Variants in MAGEB1 observed in about 807,000 individuals in gnomAD.
The protein encoded by MAGEB1 is melanoma-associated antigen B1.
For synonymous variants in MAGEB1, 99 were observed against 105.7 expected, an observed-to-expected ratio of 0.94 and a Z score of 0.39; for missense variants, 290 against 286.7, an observed-to-expected ratio of 1.01 and a Z score of -0.08.
chrX:30,250,815 G>A lies in MAGEB1; in HGVS notation c.322G>A (p.Val108Ile), dbSNP rs1925488208. 1 of 1,211,745 alleles carries A rather than the reference G, an allele frequency of 8.3e-7. No individual in the cohort carries two copies. The highest frequency in any genetic ancestry group is 1.1e-6 in the Non-Finnish European group (1 of 895,321). The change falls in exon 2 of 2, where the codon GTA (valine) becomes ATA (isoleucine). Residue 108 changes from valine (V) to isoleucine (I), a missense_variant. Physicochemically the swap from Val to Ile is conservative, Grantham distance 29. Transcript: ENST00000397548. ...CACTGAGAGCTCAGTCAAAGATCCTGTAGCCTGGGAGGCAGGAATGCTGAT... is the reference window on the plus strand; with the variant it reads ...CACTGAGAGCTCAGTCAAAGATCCTATAGCCTGGGAGGCAGGAATGCTGAT... Reference protein sequence around the residue: ...TSTESSVKDPVAWEAGMLMHF... With the variant: ...TSTESSVKDPIAWEAGMLMHF...
chrX:30,250,421 C>G lies in MAGEB1; in HGVS notation c.-60-13C>G. 9 of 902,486 alleles carry G rather than the reference C, an allele frequency of 1.0e-5. No homozygotes were observed. Among genetic ancestry groups the G allele is most frequent in the Non-Finnish European group, 1.2e-5 (8 of 656,517 alleles). The allele number at this position is 902,486 out of a possible 1,213,427, so 74.4% of individuals were successfully genotyped here. ...CTGCAAGTACTCACAGGATCTCATT[C>G]TCTCTCCTTCAGGTGCCACATCTCC... On this transcript the variant is annotated splice_polypyrimidine_tract_variant and intron_variant, in intron 1 of 1. Transcript: ENST00000397548.
At chrX:30,245,325 T>C (rs939042038), upstream of MAGEB1, among the ~76,000 whole-genome samples, 1 of 112,381 alleles carries the variant, frequency 8.9e-6, no homozygotes, top group Non-Finnish European at 1.9e-5. Flanking sequence ...GTAGTTGAAA[T>C]AATCTTAGTA....
At chrX:30,248,713 A>G (rs1423586826) in intron 1 of MAGEB1, among the ~76,000 whole-genome samples, 1 of 111,479 alleles carries the variant, frequency 9.0e-6, no homozygotes, top group Non-Finnish European at 1.9e-5. Flanking sequence ...GAAGTGGGGA[A>G]CTTCATCAAA....
chrX:30,250,647 T>C lies in MAGEB1; in HGVS notation c.154T>C (p.Ser52Pro). The C allele has an allele frequency of 8.3e-7, 1 of 1,210,361 alleles. No homozygotes were observed. The highest frequency in any genetic ancestry group is 1.1e-6 in the Non-Finnish European group (1 of 894,903). The change falls in exon 2 of 2, where the codon TCC becomes CCC. Residue 52 changes from serine to proline, a missense_variant. Coordinates refer to ENST00000397548, the MANE Select transcript of MAGEB1 (RefSeq NM_177404.3). ...SPVLGDTPTS[S>P]PAAGIPQKPQ... ...TGTTTTAGGGGATACTCCCACAAGC[T>C]CCCCTGCTGCTGGCATTCCCCAGAA...
At position 30,251,582 on chromosome X, in the gene MAGEB1, A is replaced by T. The variant is rs1179204231; in HGVS notation, c.*45A>T. ...ACTTTGTTTTTGTGGCAAGATGCCA[A>T]CCTTTTGAAGTAGTGAGCAGCCAAG... On this transcript the variant is annotated 3_prime_UTR_variant, in exon 2 of 2. Transcript: ENST00000397548. 9.0e-7 allele frequency: 1 copy of T among 1,110,896 alleles called. No homozygotes were observed. Among genetic ancestry groups the T allele is most frequent in the Admixed American group, 2.4e-5 (1 of 41,162 alleles). The allele number at this position is 1,110,896 out of a possible 1,213,427, so 91.6% of individuals were successfully genotyped here.
chrX:30,248,910 CAG>C (rs1425696852), intron 1 of MAGEB1, among the ~76,000 whole-genome samples: 2 of 111,457 alleles, frequency 1.8e-5, no homozygotes, highest in African/African-American at 6.5e-5. Context: ...ACTTCTTCCT[CAG>C]GGAGTTGTCG....
chrX:30,250,914 A>G lies in MAGEB1; in HGVS notation c.421A>G (p.Lys141Glu). The G allele has an allele frequency of 8.3e-7, 1 of 1,211,728 alleles. No individual in the cohort carries two copies. Among genetic ancestry groups the G allele is most frequent in the Non-Finnish European group, 1.1e-6 (1 of 895,336 alleles). ...AGATATGCTGAAGGTTGTTGATGAA[A>G]AGTACAAGGATCACTTCACTGAGAT... ...KADMLKVVDE[K>E]YKDHFTEILN... The change falls in exon 2 of 2, where the codon AAG (lysine) becomes GAG (glutamate). Residue 141 changes from lysine (K) to glutamate (E), a missense_variant. By Grantham distance (56) the Lys-to-Glu change is moderately conservative. Coordinates refer to ENST00000397548, the MANE Select transcript of MAGEB1 (RefSeq NM_177404.3).
Position 30,251,473 on chromosome X carries a change from C to T in MAGEB1, c.980C>T (p.Thr327Ile). The T allele has an allele frequency of 1.7e-6, 2 of 1,211,902 alleles. No individual in the cohort carries two copies. The highest frequency in any genetic ancestry group is 2.2e-6 in the Non-Finnish European group (2 of 895,491). The change falls in exon 2 of 2, where the codon ACT (threonine) becomes ATT (isoleucine). Residue 327 changes from threonine to isoleucine, a missense_variant. Coordinates refer to ENST00000397548, the MANE Select transcript of MAGEB1 (RefSeq NM_177404.3). ...TCCAGTGTTAGAGCCAGGCGTCGCACTACTGCCACGACTTTTAGAGCGCGT... is the reference window on the plus strand; with the variant it reads ...TCCAGTGTTAGAGCCAGGCGTCGCATTACTGCCACGACTTTTAGAGCGCGT... ...VRSSVRARRR[T>I]TATTFRARSR...
chrX:30,251,327 T>G lies in MAGEB1; in HGVS notation c.834T>G (p.Ala278=), dbSNP rs762877676. 17 of 1,212,051 alleles carry G rather than the reference T, an allele frequency of 1.4e-5. No homozygotes were observed. The South Asian group carries it at 3.0e-4, about 21-fold the overall frequency. Residue 278 remains alanine (A), a synonymous_variant, in exon 2 of 2, where the codon GCT becomes GCG. Coordinates refer to ENST00000397548, the MANE Select transcript of MAGEB1 (RefSeq NM_177404.3). The stretch of plus-strand genomic sequence containing the variant: ...TCCTATGGGGTCCGAGAGCCTATGC[T>G]GAAACCACCAAGATGAAAGTCCTCG... ...YQFLWGPRAY[A]ETTKMKVLEF... is the part of the protein sequence containing the mutation.
rs1384175101 is a variant in MAGEB1 at position 30,251,690 on chromosome X, G to T, written c.*153G>T. ...TCTTTCAAGTGTTTTTCTTTTAATA[G>T]AATGTTTATTTAGAGTTGGGATCTA... On this transcript the variant is annotated 3_prime_UTR_variant, in exon 2 of 2. Coordinates refer to ENST00000397548, the MANE Select transcript of MAGEB1 (RefSeq NM_177404.3). The T allele has an allele frequency of 2.1e-6, 1 of 485,769 alleles. No individual in the cohort carries two copies. The highest frequency in any genetic ancestry group is 3.4e-6 in the Non-Finnish European group (1 of 294,521). 40.0% of individuals were successfully genotyped at this position (485,769 alleles called of 1,213,427 possible). A position where few individuals can be genotyped will look rare whatever the true frequency, so the allele number is the denominator to read the frequency against.
chrX:30,246,879 C>T (rs759909818), upstream of MAGEB1, among the ~76,000 whole-genome samples: 56 of 112,291 alleles, frequency 5.0e-4, no homozygotes, highest in Non-Finnish European at 9.2e-4. Context: ...TTTCACAGAG[C>T]CCTGCCGCTG....
At chrX:30,247,727 G>A (rs1195392988) in intron 1 of MAGEB1, among the ~76,000 whole-genome samples, 1 of 111,206 alleles carries the variant, frequency 9.0e-6, no homozygotes, top group Non-Finnish European at 1.9e-5. Flanking sequence ...GGCGGATCAC[G>A]AGGTCAGGAT....
At chrX:30,247,866 C>G (rs1209796891) in intron 1 of MAGEB1, among the ~76,000 whole-genome samples, 1 of 103,925 alleles carries the variant, frequency 9.6e-6, no homozygotes, top group Non-Finnish European at 1.9e-5. Context: ...ATGGCGTGAA[C>G]CCGGGAAGCG....
At chrX:30,248,379 C>T (rs1301579847) in intron 1 of MAGEB1, among the ~76,000 whole-genome samples, 1 of 112,122 alleles carries the variant, frequency 8.9e-6, no homozygotes, top group East Asian at 2.8e-4. Context: ...AATGAGGTAA[C>T]CGTCTAGTCC....
Position 30,251,525 on chromosome X carries a change from C to T in MAGEB1, c.1032C>T (p.Ser344=). 1 of 1,203,155 alleles carries T rather than the reference C, an allele frequency of 8.3e-7. No homozygotes were observed. Among genetic ancestry groups the T allele is most frequent in the South Asian group, 1.8e-5 (1 of 55,250 alleles). ...ARSRAPFSRS[S]HPM ...CTAGAGCCCCATTCAGCAGGTCCTC[C>T]CACCCCATGTGAGAACTCAGGCAGA... is the stretch of plus-strand genomic sequence containing the variant. Residue 344 remains serine, a synonymous_variant, in exon 2 of 2, where the codon TCC becomes TCT. Transcript: ENST00000397548.
chrX:30,251,185 A>T lies in MAGEB1; in HGVS notation c.692A>T (p.Asp231Val). 1 of 1,211,803 alleles carries T rather than the reference A, an allele frequency of 8.3e-7. No homozygotes were observed. The change falls in exon 2 of 2, where the codon GAT (aspartate) becomes GTT (valine). Residue 231 changes from aspartate (D) to valine (V), a missense_variant. By Grantham distance (152) the Asp-to-Val change is radical. Transcript: ENST00000397548. The part of the protein sequence containing the change: ...WKFMNVLGAY[D>V]GEEHLIYGEP... ...TTCATGAATGTGTTGGGAGCCTATG[A>T]TGGAGAGGAGCACTTAATCTATGGG...
In MAGEB1 at chrX:30,247,266, C is replaced by A. The variant is rs1294797711; in HGVS notation, c.-61+10C>A. 1 of 111,130 alleles carries A rather than the reference C, an allele frequency of 9.0e-6. No individual in the cohort carries two copies. Among genetic ancestry groups the A allele is most frequent in the East Asian group, 2.9e-4 (1 of 3,500 alleles). The allele number at this position is 111,130 out of a possible 1,213,427, so 9.2% of individuals were successfully genotyped here. On this transcript the variant is annotated intron_variant, in intron 1 of 1. Coordinates refer to ENST00000397548, the MANE Select transcript of MAGEB1 (RefSeq NM_177404.3). Reference sequence around the variant, plus strand: ...GCTGCTAGATACTAAGGTGAGGAACCCTAGTGGGGACGTAGGGACCAGCGA... The same window carrying A: ...GCTGCTAGATACTAAGGTGAGGAACACTAGTGGGGACGTAGGGACCAGCGA...
At position 30,251,341 on chromosome X, in the gene MAGEB1, T is replaced by C; in HGVS notation, c.848T>C (p.Met283Thr). The C allele has an allele frequency of 8.3e-7, 1 of 1,211,674 alleles. No individual in the cohort carries two copies. Among genetic ancestry groups the C allele is most frequent in the South Asian group, 1.8e-5 (1 of 56,943 alleles). The change falls in exon 2 of 2, where the codon ATG becomes ACG. Residue 283 changes from methionine (M) to threonine (T), a missense_variant. By Grantham distance (81) the Met-to-Thr change is moderately conservative. Transcript: ENST00000397548. The part of the protein sequence containing the change: ...GPRAYAETTK[M>T]KVLEFLAKMN... ...AGAGCCTATGCTGAAACCACCAAGA[T>C]GAAAGTCCTCGAGTTTTTGGCCAAG...
In MAGEB1 at chrX:30,250,662, A is replaced by G; in HGVS notation, c.169A>G (p.Ile57Val). Residue 57 changes from isoleucine to valine, a missense_variant, in exon 2 of 2, where the codon ATT (isoleucine) becomes GTT (valine). Physicochemically the swap from Ile to Val is conservative, Grantham distance 29. Coordinates refer to ENST00000397548, the MANE Select transcript of MAGEB1 (RefSeq NM_177404.3). ...DTPTSSPAAGIPQKPQGAPPT... is the reference protein window; with the variant it reads ...DTPTSSPAAGVPQKPQGAPPT... ...TCCCACAAGCTCCCCTGCTGCTGGCATTCCCCAGAAGCCTCAGGGAGCTCC... is the reference window on the plus strand; with the variant it reads ...TCCCACAAGCTCCCCTGCTGCTGGCGTTCCCCAGAAGCCTCAGGGAGCTCC... The G allele has an allele frequency of 1.3e-5, 16 of 1,211,412 alleles. No homozygotes were observed. The highest frequency in any genetic ancestry group is 1.8e-5 in the Non-Finnish European group (16 of 895,267).
Sources: allele counts gnomAD v4.1 joint callset (sites outside exome capture counted in the v4.1 genomes callset), GRCh38; gene constraint gnomAD v4.1.1; transcripts MANE v1.5; gene names NCBI Gene and HGNC (gene_info 2026-07-23, HGNC 2026-07-21).